KCNQ3: variants seen among roughly 807,000 people sequenced by gnomAD.
The protein encoded by KCNQ3 is potassium voltage-gated channel subfamily KQT member 3.
In KCNQ3, 30 loss-of-function variants were observed where a neutral mutation model predicts 92.5. The observed-to-expected ratio is 0.32, with a 90% CI of 0.24 to 0.44. The LOEUF (loss-of-function observed/expected upper bound fraction) is 0.44. KCNQ3 is among the 20% of genes least tolerant of loss of function. The pLI, the probability that KCNQ3 is intolerant of heterozygous loss-of-function variation, is 1.00. For synonymous variants in KCNQ3, 450 were observed against 468.8 expected (o/e 0.96, Z 0.52); for missense variants, 913 against 1,140.3 (o/e 0.80, Z 2.87).
At position 132,170,447 on chromosome 8, in the gene KCNQ3, G is replaced by A; in HGVS notation, c.1141-19C>T. On this transcript the variant is annotated intron_variant, in intron 7 of 14. Coordinates refer to ENST00000388996, the MANE Select transcript of KCNQ3 (RefSeq NM_004519.4). The stretch of plus-strand genomic sequence containing the variant: ...AGGCAGCCTGAGGGGCAGAAAAGAG[G>A]GGCAACAATGAGTGGGCACCACCTG... The A allele has an allele frequency of 6.5e-7, 1 of 1,548,950 alleles. No individual in the cohort carries two copies. Among genetic ancestry groups the A allele is most frequent in the Non-Finnish European group, 8.9e-7 (1 of 1,121,184 alleles).
intron 1 of KCNQ3, among the ~76,000 whole-genome samples, chr8:132,187,525 C>A (rs1563795266): frequency 6.6e-6 from 1 of 152,236 alleles, no homozygotes; most frequent in East Asian, 1.9e-4. Flanking sequence ...AGATCCCCAA[C>A]TCCTTCCTGT....
At chr8:132,366,000 C>T (rs1189618832) in intron 1 of KCNQ3, among the ~76,000 whole-genome samples, 4 of 152,198 alleles carry the variant, frequency 2.6e-5, no homozygotes, top group Non-Finnish European at 5.9e-5. Flanking sequence ...CACTGCACTC[C>T]AGCCCGGTTG....
At chr8:132,373,172 C>A (rs1201564360) in intron 1 of KCNQ3, among the ~76,000 whole-genome samples, 1 of 151,986 alleles carries the variant, frequency 6.6e-6, no homozygotes, top group African/African-American at 2.4e-5. Context: ...GGGCCTCCAG[C>A]GTCAGACATG....
At chr8:132,136,074 G>A (rs1014608452) in intron 12 of KCNQ3, among the ~76,000 whole-genome samples, 16 of 133,446 alleles carry the variant, frequency 1.2e-4, no homozygotes, top group African/African-American at 2.0e-4. Flanking sequence ...AGCCGAGATC[G>A]CGCCACTGCA....
At chr8:132,338,221 G>C (rs891381586) in intron 1 of KCNQ3, among the ~76,000 whole-genome samples, 1 of 152,186 alleles carries the variant, frequency 6.6e-6, no homozygotes, top group Non-Finnish European at 1.5e-5. Flanking sequence ...TTGGAGGTGA[G>C]GAGGCTTAGG....
rs1826948488 is a variant in KCNQ3, at chr8:132,186,129, C to T, written c.439G>A (p.Glu147Lys). 1.2e-6 allele frequency: 2 copies of T among 1,613,974 alleles called. No homozygotes were observed. Among genetic ancestry groups the T allele is most frequent in the Non-Finnish European group, 1.7e-6 (2 of 1,179,868 alleles). ...LILAVLTTFK[E>K]YETVSGDWLL... The stretch of plus-strand genomic sequence containing the variant: ...CAGTCTCCCGAGACAGTCTCATACT[C>T]CTTGAATGTGGTCAGGACAGCCAGA... Residue 147 changes from glutamate to lysine, a missense_variant, in exon 2 of 15, where the codon GAG (glutamate) becomes AAG (lysine). By Grantham distance (56) the Glu-to-Lys change is moderately conservative. Transcript: ENST00000388996.
chr8:132,304,708 C>T (rs1817361928), intron 1 of KCNQ3, among the ~76,000 whole-genome samples: 1 of 152,130 alleles, frequency 6.6e-6, no homozygotes, highest in Non-Finnish European at 1.5e-5. Flanking sequence ...CAGAAGTTTC[C>T]ATTCGACAGT....
At chr8:132,210,998 A>G (rs796856768) in intron 1 of KCNQ3, among the ~76,000 whole-genome samples, 116 of 152,328 alleles carry the variant, frequency 7.6e-4, no homozygotes, top group African/African-American at 2.7e-3. Context: ...TTCCCATAGC[A>G]AAGAGCATTG....
intron 1 of KCNQ3, among the ~76,000 whole-genome samples, chr8:132,471,517 G>T (rs1432570082): frequency 2.0e-5 from 3 of 152,130 alleles, no homozygotes; most frequent in Non-Finnish European, 4.4e-5. Context: ...ACTAAATGCT[G>T]ATAATGACAT....
chr8:132,418,414 C>T (rs568886721), intron 1 of KCNQ3, among the ~76,000 whole-genome samples: 1 of 152,298 alleles, frequency 6.6e-6, no homozygotes, highest in South Asian at 2.1e-4. Context: ...CAACCCGACT[C>T]TGCCTCTAAT....
At chr8:132,374,641 C>A (rs1217100796) in intron 1 of KCNQ3, among the ~76,000 whole-genome samples, 1 of 152,104 alleles carries the variant, frequency 6.6e-6, no homozygotes, top group Non-Finnish European at 1.5e-5. Flanking sequence ...AGTTTAGTAC[C>A]CAATACTAAT....
intron 1 of KCNQ3, among the ~76,000 whole-genome samples, chr8:132,202,863 C>T (rs1307813161): frequency 6.6e-6 from 1 of 152,202 alleles, no homozygotes; most frequent in African/African-American, 2.4e-5. Flanking sequence ...AGTTGCAAAG[C>T]TGCTTCCACA....
chr8:132,255,865 C>A (rs996364167), intron 1 of KCNQ3, among the ~76,000 whole-genome samples: 2 of 152,036 alleles, frequency 1.3e-5, no homozygotes, highest in Non-Finnish European at 2.9e-5. Context: ...AACAACGAAC[C>A]CTGGGGGATC....
chr8:132,215,390 C>T (rs144758993), intron 1 of KCNQ3, among the ~76,000 whole-genome samples: 94 of 152,282 alleles, frequency 6.2e-4, no homozygotes, highest in African/African-American at 2.1e-3. Context: ...ACCACAGGGA[C>T]AACAGCAACA....
At chr8:132,455,291 G>A (rs750784961) in intron 1 of KCNQ3, among the ~76,000 whole-genome samples, 19 of 152,138 alleles carry the variant, frequency 1.2e-4, no homozygotes, top group Non-Finnish European at 2.2e-4. Context: ...ATACTTAGTA[G>A]AGACAGGGTT....
rs1429849335 is a variant in KCNQ3 at position 132,303,666 on chromosome 8, G to GTGTGTGTGTGTA, written c.387-117486_387-117485insTACACACACACA. On this transcript the variant is annotated intron_variant, in intron 1 of 14. Coordinates refer to ENST00000388996, the MANE Select transcript of KCNQ3 (RefSeq NM_004519.4). ...ATATATATATATTTATGGTGTGTGT[G>GTGTGTGTGTGTA]TATATATATATACACACACACAGCC... 4.2e-4 allele frequency among the ~76,000 whole-genome samples: 4 copies of GTGTGTGTGTGTA among 9,612 alleles called. No homozygotes were observed. In the African/African-American group the frequency reaches 5.5e-3, roughly 13 times the overall value. The allele number at this position is 9,612 out of a possible 152,430, so 6.3% of individuals were successfully genotyped here. A position where few individuals can be genotyped will look rare whatever the true frequency, so the allele number is the denominator to read the frequency against.
intron 1 of KCNQ3, among the ~76,000 whole-genome samples, chr8:132,222,916 A>G (rs1263603332): frequency 6.6e-6 from 1 of 152,212 alleles, no homozygotes. Context: ...ATATTAAATC[A>G]ATGCCAGCTT....
chr8:132,333,582 T>A (rs1389427943), intron 1 of KCNQ3, among the ~76,000 whole-genome samples: 1 of 152,194 alleles, frequency 6.6e-6, no homozygotes, highest in African/African-American at 2.4e-5. Flanking sequence ...CCAACCATTT[T>A]TAGTATTTTA....
intron 4 of KCNQ3, among the ~76,000 whole-genome samples, chr8:132,179,300 G>T (rs1319973171): frequency 6.6e-6 from 1 of 151,974 alleles, no homozygotes; most frequent in Non-Finnish European, 1.5e-5. Flanking sequence ...TCTGGAAAAG[G>T]AATGGACTGA....
Sources: gnomAD v4.1 joint callset for allele counts (sites outside exome capture counted in the v4.1 genomes callset) on GRCh38, gnomAD v4.1.1 for gene constraint, MANE v1.5 for transcripts, NCBI Gene and HGNC (gene_info 2026-07-23, HGNC 2026-07-21) for gene names.